CLUAP1: variants seen among roughly 807,000 people sequenced by gnomAD.
The protein encoded by CLUAP1 is clusterin-associated protein 1.
CLUAP1 carries 50 observed loss-of-function variants against 55.0 expected under a neutral mutation model. The ratio of observed to expected loss-of-function variants is 0.91; its 90% confidence interval spans 0.72 to 1.15. The LOEUF (loss-of-function observed/expected upper bound fraction) is 1.15. Among genes scored for constraint, CLUAP1 ranks in the 50% most tolerant of loss-of-function variants. The pLI is 0.00. For missense variants in CLUAP1, 530 were observed against 507.6 expected (o/e 1.04, Z -0.42); for synonymous variants, 195 against 175.4 (o/e 1.11, Z -0.88).
At chr16:3,508,803 A>G (rs576093095) in intron 4 of CLUAP1, among the ~76,000 whole-genome samples, 1 of 152,240 alleles carries the variant, frequency 6.6e-6, no homozygotes, top group South Asian at 2.1e-4. Flanking sequence ...CAGGCTGTGG[A>G]GAATAATAAG....
At chr16:3,515,287 T>C in intron 5 of CLUAP1, 1 of 402,060 alleles carries the variant, frequency 2.5e-6, no homozygotes, top group Non-Finnish European at 4.4e-6. Flanking sequence ...CACCTAGGCC[T>C]CTGGCTGAAA....
intron 10 of CLUAP1, among the ~76,000 whole-genome samples, chr16:3,531,152 C>G (rs369123170): frequency 1.3e-5 from 2 of 152,078 alleles, no homozygotes; most frequent in Non-Finnish European, 2.9e-5. Flanking sequence ...CCTAGGAGCT[C>G]GGAGCTGTAG....
chr16:3,514,801 C>T (rs893067174), intron 5 of CLUAP1, among the ~76,000 whole-genome samples: 1 of 152,128 alleles, frequency 6.6e-6, no homozygotes, highest in Non-Finnish European at 1.5e-5. Context: ...ATTGTGGTTT[C>T]GAGTTTCAAC....
chr16:3,529,802 TTATATA>T, intron 9 of CLUAP1, among the ~76,000 whole-genome samples: 1 of 25,830 alleles, frequency 3.9e-5, no homozygotes, highest in South Asian at 1.1e-3. Context: ...TATTATATTA[TTATATA>T]TATATTATAA....
At chr16:3,536,048 G>A in intron 11 of CLUAP1, 74 bp from the exon 12 acceptor site, 3 of 1,550,818 alleles carry the variant, frequency 1.9e-6, no homozygotes, top group Admixed American at 1.7e-5. Flanking sequence ...TAGAAAGGGA[G>A]GCAGAGAGTC....
At position 3,536,345 on chromosome 16, in the gene CLUAP1, A is replaced by C. The variant is rs2038231927; in HGVS notation, c.*74A>C. The C allele has an allele frequency of 6.6e-7, 1 of 1,520,834 alleles. No individual in the cohort carries two copies. Among genetic ancestry groups the C allele is most frequent in the Non-Finnish European group, 9.0e-7 (1 of 1,115,692 alleles). The allele number at this position is 1,520,834 out of a possible 1,614,324, so 94.2% of individuals were successfully genotyped here. A position where few individuals can be genotyped will look rare whatever the true frequency, so the allele number is the denominator to read the frequency against. On this transcript the variant is annotated 3_prime_UTR_variant, in exon 12 of 12. Coordinates refer to ENST00000576634, the MANE Select transcript of CLUAP1 (RefSeq NM_015041.3). ...TAAATGGGAACTTAGAAGGTTAGGA[A>C]GGTAACCCCTGTTTTGTTTACTAAG...
chr16:3,503,301 T>G (rs762272594), intron 1 of CLUAP1, among the ~76,000 whole-genome samples: 9 of 152,140 alleles, frequency 5.9e-5, no homozygotes, highest in Non-Finnish European at 1.3e-4. Flanking sequence ...TAGCTGGGAC[T>G]ACAGGTGCCC....
At chr16:3,534,312 TG>T (rs543825960) in intron 11 of CLUAP1, 85 of 152,836 alleles carry the variant, frequency 5.6e-4, no homozygotes, top group Non-Finnish European at 1.0e-3. Context: ...GAGCAGGGCC[TG>T]AGTGGAGGGA....
At chr16:3,522,821 T>G (rs1035686674) in intron 7 of CLUAP1, among the ~76,000 whole-genome samples, 1 of 143,084 alleles carries the variant, frequency 7.0e-6, no homozygotes, top group Admixed American at 6.8e-5. Flanking sequence ...CCTATCTATA[T>G]TTATGCATAG....
upstream of CLUAP1, chr16:3,496,877 T>TTTTC (rs1555491339): frequency 3.4e-6 from 1 of 294,332 alleles, no homozygotes; most frequent in South Asian, 3.2e-5. Flanking sequence ...TCTTTTCTTT[T>TTTTC]TTTTTTTTTT....
chr16:3,533,239 T>C, intron 11 of CLUAP1: 1 of 1,075,268 alleles, frequency 9.3e-7, no homozygotes, highest in South Asian at 1.3e-5. Context: ...CTAGGAGTGA[T>C]GCTTCCTCTC....
intron 1 of CLUAP1, among the ~76,000 whole-genome samples, 162 bp from the exon 2 acceptor site, chr16:3,504,558 A>G (rs2037466195): frequency 6.6e-6 from 1 of 152,218 alleles, no homozygotes; most frequent in African/African-American, 2.4e-5. Flanking sequence ...TTGGTATTTT[A>G]AATTTTATCT....
upstream of CLUAP1, among the ~76,000 whole-genome samples, chr16:3,500,295 C>T (rs1042205443): frequency 2.0e-5 from 3 of 152,084 alleles, no homozygotes; most frequent in African/African-American, 4.8e-5. Flanking sequence ...GTCCTCCGCT[C>T]GGCAACCAGA....
upstream of CLUAP1, among the ~76,000 whole-genome samples, chr16:3,500,312 C>G (rs545338524): frequency 6.1e-3 from 932 of 152,050 alleles, 7 homozygotes; most frequent in South Asian, 0.011. Flanking sequence ...CAGATTCCGA[C>G]GAGGAGCGCG....
upstream of CLUAP1, among the ~76,000 whole-genome samples, chr16:3,497,177 T>A (rs1371595219): frequency 6.6e-6 from 1 of 151,832 alleles, no homozygotes; most frequent in East Asian, 1.9e-4. Flanking sequence ...AGCAACCTGA[T>A]CTTGTATGTA....
chr16:3,507,510 G>A (rs1011753329), intron 3 of CLUAP1, among the ~76,000 whole-genome samples: 4 of 150,950 alleles, frequency 2.6e-5, no homozygotes, highest in African/African-American at 9.7e-5. Context: ...CAGTGAGCCG[G>A]GATCATGTCA....
intron 2 of CLUAP1, among the ~76,000 whole-genome samples, 177 bp from the exon 3 acceptor site, chr16:3,506,154 G>T (rs1486844862): frequency 6.6e-6 from 1 of 152,178 alleles, no homozygotes. Flanking sequence ...CTTAGGTGGG[G>T]ATTTGCTCCC....
upstream of CLUAP1, chr16:3,496,526 C>T (rs2037312725): frequency 3.5e-6 from 2 of 571,542 alleles, no homozygotes; most frequent in Non-Finnish European, 6.8e-6. Context: ...CCGTGACCAG[C>T]CGGCCCACAG....
chr16:3,526,579 G>T, intron 9 of CLUAP1, 95 bp downstream of exon 9: 6 of 626,488 alleles, frequency 9.6e-6, no homozygotes, highest in East Asian at 4.8e-5. Flanking sequence ...TTTTTAATAT[G>T]TATTTTCTTC....
Sources: gnomAD v4.1 joint callset for allele counts (sites outside exome capture counted in the v4.1 genomes callset) on GRCh38, gnomAD v4.1.1 for gene constraint, MANE v1.5 for transcripts, NCBI Gene and HGNC (gene_info 2026-07-23, HGNC 2026-07-21) for gene names.